TFAP2A: variants seen among roughly 807,000 people sequenced by gnomAD.
The protein encoded by TFAP2A is transcription factor AP-2-alpha.
In TFAP2A, 7 loss-of-function variants were observed where a neutral mutation model predicts 41.5. That is an observed-to-expected ratio of 0.17 (90% CI 0.10 to 0.32). The LOEUF (loss-of-function observed/expected upper bound fraction) is 0.32, where lower values mean the gene tolerates loss of function less well. Among genes scored for constraint, TFAP2A ranks in the 10% least tolerant of loss-of-function variants. TFAP2A has a pLI of 1.00. For synonymous variants in TFAP2A, 247 were observed against 242.8 expected (o/e 1.02, Z -0.16); for missense variants, 416 against 563.3 (o/e 0.74, Z 2.65).
chr6:10,413,621 C>A (rs1171618335), intron 1 of TFAP2A, among the ~76,000 whole-genome samples: 1 of 152,222 alleles, frequency 6.6e-6, no homozygotes, highest in Non-Finnish European at 1.5e-5. Flanking sequence ...CCTCCTCTAG[C>A]GCGACAGGAC....
At chr6:10,404,439 C>A in intron 4 of TFAP2A, 69 bp downstream of exon 4, 1 of 1,201,262 alleles carries the variant, frequency 8.3e-7, no homozygotes. Context: ...TCGCCGCCAC[C>A]GCCCCGGCGC....
chr6:10,405,442 C>T (rs1285295141), intron 3 of TFAP2A: 2 of 152,138 alleles, frequency 1.3e-5, no homozygotes, highest in Non-Finnish European at 2.9e-5. Flanking sequence ...AAGAACAGGC[C>T]TACAGTGGAA....
At chr6:10,414,805 C>T (rs1326177129) in intron 1 of TFAP2A, 136 bp downstream of exon 1, 4 of 1,208,672 alleles carry the variant, frequency 3.3e-6, no homozygotes, top group Non-Finnish European at 4.9e-6. Context: ...CGGGCGAATC[C>T]GAGGGACGGG....
chr6:10,415,487 C>G, upstream of TFAP2A: 1 of 246,190 alleles, frequency 4.1e-6, no homozygotes, highest in Non-Finnish European at 8.1e-6. Flanking sequence ...CCCAACACCC[C>G]CTCTCTTACC....
rs1317405576 is a variant in TFAP2A, at chr6:10,398,204, G to A, written c.*213C>T. On this transcript the variant is annotated 3_prime_UTR_variant, in exon 7 of 7. Coordinates refer to ENST00000379613, the MANE Select transcript of TFAP2A (RefSeq NM_001372066.1). This position sits in a 1 kb window ranked among gnomAD's most constrained non-coding sequence, Gnocchi z 5.3. Reference sequence around the variant, plus strand: ...TGGGAGCGGGTGGGGAGGTCGAGGCGGGTGCAGAGTCGGAGAGGCTGCCCC... The same window carrying A: ...TGGGAGCGGGTGGGGAGGTCGAGGCAGGTGCAGAGTCGGAGAGGCTGCCCC... The A allele has an allele frequency of 2.7e-6, 4 of 1,458,218 alleles. No individual in the cohort carries two copies. Among genetic ancestry groups the A allele is most frequent in the Non-Finnish European group, 3.6e-6 (4 of 1,108,964 alleles). 90.3% of individuals were successfully genotyped at this position (1,458,218 alleles called of 1,614,324 possible).
chr6:10,419,643 C>A (rs1369611613), upstream of TFAP2A: 5 of 676,026 alleles, frequency 7.4e-6, no homozygotes, highest in African/African-American at 3.6e-5. Flanking sequence ...CCGCCAGCTG[C>A]AGTCCCAGCG....
intron 3 of TFAP2A, chr6:10,406,286 G>C (rs1389581292): frequency 6.4e-6 from 1 of 156,214 alleles, no homozygotes; most frequent in East Asian, 1.9e-4. Context: ...TTAACCAAAA[G>C]CTAAAATTTT....
chr6:10,406,705 T>G (rs1423206859), intron 3 of TFAP2A, 88 bp downstream of exon 3: 4 of 1,171,614 alleles, frequency 3.4e-6, no homozygotes, highest in Non-Finnish European at 5.1e-6. Context: ...AAATCCTATT[T>G]GGAAAAAATA....
rs2113203786 is a variant in TFAP2A, at chr6:10,410,071, C to CCTGGCT, written c.310_315dup (p.Ser104_Gln105dup). 6.2e-7 allele frequency: 1 copy of CCTGGCT among 1,612,954 alleles called. No homozygotes were observed. The highest frequency in any genetic ancestry group is 8.5e-7 in the Non-Finnish European group (1 of 1,179,852). ...CGGTGCGTGTGCAGGAGCCCAGACTCCTGGCTCTGCCTCTGGCCGGGCCAG... is the reference window on the plus strand; with the variant it reads ...CGGTGCGTGTGCAGGAGCCCAGACTCCTGGCTCTGGCTCTGCCTCTGGCCGGGCCAG... On this transcript the variant is annotated inframe_insertion, in exon 2 of 7. Coordinates refer to ENST00000379613, the MANE Select transcript of TFAP2A (RefSeq NM_001372066.1).
intron 3 of TFAP2A, 51 bp from the exon 4 acceptor site, chr6:10,404,790 A>ACC: frequency 6.5e-7 from 1 of 1,541,740 alleles, no homozygotes; most frequent in Non-Finnish European, 8.9e-7. Context: ...ATCACCCCCA[A>ACC]ATCCTGCCCG....
rs554546052 is a variant in TFAP2A, at chr6:10,412,097, C to G, written c.52-1762G>C. 2.4e-4 allele frequency: 239 copies of G among 994,778 alleles called. No homozygotes were observed. The African/African-American group carries it at 4.0e-3, about 17-fold the overall frequency. 61.6% of individuals were successfully genotyped at this position (994,778 alleles called of 1,614,324 possible). ...GAATGCCTGGAAATCGAGCGTGAAGCGGAGAGGCAACTCGCGCCGGAGCCG... is the reference window on the plus strand; with the variant it reads ...GAATGCCTGGAAATCGAGCGTGAAGGGGAGAGGCAACTCGCGCCGGAGCCG... On this transcript the variant is annotated intron_variant, in intron 1 of 6. Transcript: ENST00000379613.
At chr6:10,406,707 G>T in intron 3 of TFAP2A, 86 bp downstream of exon 3, 1 of 1,214,460 alleles carries the variant, frequency 8.2e-7, no homozygotes, top group Non-Finnish European at 1.2e-6. Flanking sequence ...ATCCTATTTG[G>T]AAAAAATAAA....
upstream of TFAP2A, chr6:10,415,518 T>C: frequency 4.5e-6 from 1 of 224,288 alleles, no homozygotes; most frequent in South Asian, 7.0e-5. Flanking sequence ...CACATTCCCC[T>C]TCCTTTCTTT....
intron 4 of TFAP2A, 29 bp downstream of exon 4, chr6:10,404,479 G>GGGGC (rs1554111692): frequency 6.2e-6 from 9 of 1,460,916 alleles, no homozygotes; most frequent in East Asian, 5.6e-5. Context: ...GCCGCGGGGC[G>GGGGC]GGGCGGGCGG....
chr6:10,400,302 T>C (rs1761959527), intron 6 of TFAP2A, 146 bp downstream of exon 6: 2 of 970,308 alleles, frequency 2.1e-6, no homozygotes, highest in Admixed American at 2.0e-5. Context: ...TTCCTTAACA[T>C]AGACTATATA....
chr6:10,402,410 A>C lies in TFAP2A; in HGVS notation c.889+82T>G, dbSNP rs188744649. The C allele has an allele frequency of 1.5e-3, 1,527 of 1,047,074 alleles. 3 individuals carry two copies. Among genetic ancestry groups the C allele is most frequent in the Non-Finnish European group, 7.8e-4 (514 of 662,990 alleles). The allele number at this position is 1,047,074 out of a possible 1,614,324, so 64.9% of individuals were successfully genotyped here. On this transcript the variant is annotated intron_variant, in intron 5 of 6. Transcript: ENST00000379613. Reference sequence around the variant, plus strand: ...GATGAAACTGCCCAACTGACATAAAATACGACCAAACATCTGGCCACTAAA... The same window carrying C: ...GATGAAACTGCCCAACTGACATAAACTACGACCAAACATCTGGCCACTAAA...
At chr6:10,417,398 C>G (rs1758286172), upstream of TFAP2A, among the ~76,000 whole-genome samples, 1 of 152,232 alleles carries the variant, frequency 6.6e-6, no homozygotes, top group Admixed American at 6.5e-5. Context: ...CTGCCGCCCC[C>G]GGTGTAGGCG....
intron 6 of TFAP2A, among the ~76,000 whole-genome samples, chr6:10,399,872 G>T (rs189036590): frequency 1.3e-5 from 2 of 151,784 alleles, no homozygotes; most frequent in Admixed American, 1.3e-4. Context: ...CTCGCCTGTG[G>T]GCTAAAACTT....
rs1239557695 is a variant in TFAP2A at position 10,398,786 on chromosome 6, C to G, written c.1032-81G>C. 1.3e-6 allele frequency: 2 copies of G among 1,516,926 alleles called. No individual in the cohort carries two copies. The highest frequency in any genetic ancestry group is 1.8e-6 in the Non-Finnish European group (2 of 1,115,908). 94.0% of individuals were successfully genotyped at this position (1,516,926 alleles called of 1,614,324 possible). A position where few individuals can be genotyped will look rare whatever the true frequency, so the allele number is the denominator to read the frequency against. On this transcript the variant is annotated intron_variant, in intron 6 of 6. Coordinates refer to ENST00000379613, the MANE Select transcript of TFAP2A (RefSeq NM_001372066.1). This position sits in a 1 kb window ranked among gnomAD's most constrained non-coding sequence, Gnocchi z 5.3. The stretch of plus-strand genomic sequence containing the variant: ...AGCAGCAAAGAGAAAACCTCCCTCC[C>G]TGCAGCTACCTCTGCCGGGATCCAG...
Sources: allele counts gnomAD v4.1 joint callset (sites outside exome capture counted in the v4.1 genomes callset), GRCh38; gene constraint gnomAD v4.1.1; non-coding constraint Gnocchi (gnomAD v3.1); transcripts MANE v1.5; gene names NCBI Gene and HGNC (gene_info 2026-07-23, HGNC 2026-07-21).